Variants in KCNT2 observed in about 807,000 individuals in gnomAD.
The protein encoded by KCNT2 is potassium sodium-activated channel subfamily T member 2, also known as potassium channel subfamily T member 2.
A neutral mutation model predicts 153.8 loss-of-function variants in KCNT2; 67 were observed. The observed-to-expected ratio is 0.44, with a 90% confidence interval of 0.36 to 0.53. KCNT2 has a LOEUF of 0.53. Among genes scored for constraint, KCNT2 ranks in the 20% least tolerant of loss-of-function variants. The probability of loss-of-function intolerance (pLI) is 0.00; values close to 1 mark genes in which losing one functional copy is unlikely to be tolerated. For missense variants in KCNT2, 975 were observed against 1,354.8 expected, an observed-to-expected ratio of 0.72 and a Z score of 4.40; for synonymous variants, 500 against 458.8, an observed-to-expected ratio of 1.09 and a Z score of -1.15.
intron 18 of KCNT2, among the ~76,000 whole-genome samples, chr1:196,329,173 G>C (rs1345916803): frequency 1.3e-5 from 2 of 152,026 alleles, no homozygotes; most frequent in Non-Finnish European, 2.9e-5. Flanking sequence ...AATTGGATAA[G>C]GCAATCCCAA....
At chr1:196,468,005 G>C (rs757958652) in intron 6 of KCNT2, among the ~76,000 whole-genome samples, 2 of 152,014 alleles carry the variant, frequency 1.3e-5, no homozygotes, top group Non-Finnish European at 2.9e-5. Context: ...GAAGCAAAAA[G>C]AAAATAATAA....
chr1:196,310,630 GACT>G (rs1662075734), intron 21 of KCNT2, among the ~76,000 whole-genome samples: 1 of 151,478 alleles, frequency 6.6e-6, no homozygotes, highest in African/African-American at 2.4e-5. Flanking sequence ...GTAAGATTAT[GACT>G]ACTTGTGCCA....
chr1:196,375,235 C>T (rs1668857217), intron 13 of KCNT2, among the ~76,000 whole-genome samples: 1 of 127,070 alleles, frequency 7.9e-6, no homozygotes, highest in Admixed American at 7.1e-5. Flanking sequence ...GCAAAAGATT[C>T]CTACATTTCG....
intron 8 of KCNT2, among the ~76,000 whole-genome samples, chr1:196,438,157 G>A (rs1232678268): frequency 6.6e-6 from 1 of 151,624 alleles, no homozygotes; most frequent in Non-Finnish European, 1.5e-5. Flanking sequence ...GAATTCAGTA[G>A]TAATTTTGTT....
rs1346751606 is a variant in KCNT2 at position 196,481,947 on chromosome 1, A to G, written c.324+384T>C. 7.9e-5 allele frequency among the ~76,000 whole-genome samples: 12 copies of G among 152,250 alleles called. No individual in the cohort carries two copies. The East Asian group carries it at 1.5e-3, about 20-fold the overall frequency. Reference sequence around the variant, plus strand: ...AATAATTATTTATTGATATTCTACCATATTCCAGACACTAAGAATACAAGG... The same window carrying G: ...AATAATTATTTATTGATATTCTACCGTATTCCAGACACTAAGAATACAAGG... On this transcript the variant is annotated intron_variant, in intron 4 of 27. Transcript: ENST00000294725.
rs2148454068 is a variant in KCNT2 at position 196,402,616 on chromosome 1, C to T, written c.1186-3945G>A. On this transcript the variant is annotated intron_variant, in intron 12 of 27. Transcript: ENST00000294725. ...ATGTGGGAAAGGAAAAACAGAGGAA[C>T]CAAAATTAGAGGAAACAAACAAAAC... Among the ~76,000 whole-genome samples the T allele has an allele frequency of 2.0e-5, 3 of 151,440 alleles. 1 individual carries two copies. Among genetic ancestry groups the T allele is most frequent in the South Asian group, 4.2e-4 (2 of 4,814 alleles).
chr1:196,280,077 C>G (rs887078392), intron 25 of KCNT2, among the ~76,000 whole-genome samples: 1 of 151,924 alleles, frequency 6.6e-6, no homozygotes. Flanking sequence ...AAAAAAAATT[C>G]AAGAATACAA....
chr1:196,245,257 G>A (rs776348735), intron 26 of KCNT2, among the ~76,000 whole-genome samples: 3 of 152,108 alleles, frequency 2.0e-5, no homozygotes, highest in South Asian at 2.1e-4. Flanking sequence ...TTGGGAAGCC[G>A]AGGTGGGAGG....
intron 13 of KCNT2, among the ~76,000 whole-genome samples, chr1:196,376,626 A>G (rs1269564579): frequency 1.3e-5 from 2 of 151,674 alleles, no homozygotes; most frequent in African/African-American, 2.4e-5. Context: ...ATGTTTTCCA[A>G]CTCTTTAGCA....
intron 16 of KCNT2, 136 bp from the exon 17 acceptor site, chr1:196,334,196 G>A: frequency 3.4e-6 from 2 of 596,352 alleles, no homozygotes; most frequent in East Asian, 2.8e-5. Context: ...TGCGTGTGGT[G>A]TATAAGTTTA....
At chr1:196,573,302 G>A (rs1660988771) in intron 1 of KCNT2, among the ~76,000 whole-genome samples, 1 of 152,130 alleles carries the variant, frequency 6.6e-6, no homozygotes, top group Admixed American at 6.6e-5. Flanking sequence ...AGATATTTGT[G>A]TGTGTGTGTG....
chr1:196,555,731 T>C (rs546879828), intron 1 of KCNT2, among the ~76,000 whole-genome samples: 1 of 151,392 alleles, frequency 6.6e-6, no homozygotes, highest in Non-Finnish European at 1.5e-5. Flanking sequence ...AAGAATCACA[T>C]GACCTGATTC....
intron 16 of KCNT2, among the ~76,000 whole-genome samples, chr1:196,337,136 A>G (rs969572895): frequency 4.0e-5 from 6 of 151,798 alleles, no homozygotes; most frequent in Non-Finnish European, 8.8e-5. Flanking sequence ...GGTGTTCCAA[A>G]ATACTCTTTA....
At chr1:196,237,949 T>A (rs1654587503) in intron 26 of KCNT2, among the ~76,000 whole-genome samples, 1 of 151,912 alleles carries the variant, frequency 6.6e-6, no homozygotes, top group Non-Finnish European at 1.5e-5. Flanking sequence ...TTTTGAGAAA[T>A]GCCCCCTTAT....
intron 19 of KCNT2, among the ~76,000 whole-genome samples, chr1:196,320,483 G>A (rs777856688): frequency 4.3e-4 from 66 of 151,766 alleles, no homozygotes; most frequent in Non-Finnish European, 5.3e-4. Context: ...CAGAATTGAG[G>A]AACATTTCAC....
intron 13 of KCNT2, among the ~76,000 whole-genome samples, chr1:196,394,839 T>C (rs1670787808): frequency 6.6e-6 from 1 of 151,600 alleles, no homozygotes; most frequent in Admixed American, 6.6e-5. Flanking sequence ...AGAAAAATAC[T>C]GGATAAAAGT....
At chr1:196,350,787 G>C (rs1015729888) in intron 14 of KCNT2, among the ~76,000 whole-genome samples, 4 of 152,158 alleles carry the variant, frequency 2.6e-5, no homozygotes, top group African/African-American at 9.7e-5. Flanking sequence ...CCATGCCTAT[G>C]TCCTGAATGG....
At chr1:196,313,839 T>G (rs1392292396) in intron 21 of KCNT2, among the ~76,000 whole-genome samples, 1 of 151,618 alleles carries the variant, frequency 6.6e-6, no homozygotes, top group Non-Finnish European at 1.5e-5. Flanking sequence ...AACTATTCAG[T>G]CTAGATTACT....
At chr1:196,274,088 T>C (rs1046318834) in intron 25 of KCNT2, among the ~76,000 whole-genome samples, 3 of 151,658 alleles carry the variant, frequency 2.0e-5, no homozygotes, top group Non-Finnish European at 4.4e-5. Context: ...TTTTTTCTCC[T>C]ACATACATAT....
Sources: gnomAD v4.1 joint callset for allele counts (sites outside exome capture counted in the v4.1 genomes callset) on GRCh38, gnomAD v4.1.1 for gene constraint, MANE v1.5 for transcripts, NCBI Gene and HGNC (gene_info 2026-07-23, HGNC 2026-07-21) for gene names.